The following POR variants were observed in gnomAD, a reference collection of about 807,000 sequenced individuals.
POR encodes NADPH--cytochrome P450 reductase.
A neutral mutation model predicts 84.0 loss-of-function variants in POR; 56 were observed. The ratio of observed to expected loss-of-function variants is 0.67; its 90% confidence interval spans 0.54 to 0.83. POR has a LOEUF of 0.83. POR is among the 40% of genes least tolerant of loss of function. The probability of loss-of-function intolerance (pLI) is 0.00; values close to 1 mark genes in which losing one functional copy is unlikely to be tolerated. For missense variants in POR, 938 were observed against 944.3 expected, an observed-to-expected ratio of 0.99 and a Z score of 0.09; for synonymous variants, 414 against 400.5, an observed-to-expected ratio of 1.03 and a Z score of -0.40.
rs782263366 is a variant in POR at position 75,986,599 on chromosome 7, C to CAAAG, written c.*120_*123dup. 116 of 1,302,434 alleles carry CAAAG rather than the reference C, an allele frequency of 8.9e-5. No individual in the cohort carries two copies. Among genetic ancestry groups the CAAAG allele is most frequent in the Admixed American group, 2.4e-4 (11 of 46,076 alleles). 80.7% of individuals were successfully genotyped at this position (1,302,434 alleles called of 1,614,324 possible). On this transcript the variant is annotated 3_prime_UTR_variant, in exon 16 of 16. Coordinates refer to ENST00000461988, the MANE Select transcript of POR (RefSeq NM_000941.3). ...CTTGGCATGGGCGCAGGCCCAGTGACAAAGACTCCTCTGGGCCTGGGGTGC... is the reference window on the plus strand; with the variant it reads ...CTTGGCATGGGCGCAGGCCCAGTGACAAAGAAAGACTCCTCTGGGCCTGGGGTGC...
intron 11 of POR, 31 bp downstream of exon 11, chr7:75,984,989 C>A: frequency 6.3e-7 from 1 of 1,576,590 alleles, no homozygotes; most frequent in African/African-American, 1.3e-5. Context: ...CAACCTCCGC[C>A]CCGTCACCCC....
chr7:75,979,356 G>A, intron 3 of POR, 95 bp from the exon 4 acceptor site: 1 of 1,475,140 alleles, frequency 6.8e-7, no homozygotes, highest in Non-Finnish European at 9.2e-7. Flanking sequence ...GGGCGGCCTG[G>A]AGGGCCCCCG....
intron 2 of POR, among the ~76,000 whole-genome samples, chr7:75,966,696 T>C (rs1554555300): frequency 6.6e-6 from 1 of 152,184 alleles, no homozygotes; most frequent in Non-Finnish European, 1.5e-5. Context: ...GAAATGTTCC[T>C]CAGCGTCGCC....
Position 75,979,589 on chromosome 7 carries a change from C to T in POR, c.366+10C>T, listed in dbSNP as rs1554557336. 5.0e-6 allele frequency: 8 copies of T among 1,612,508 alleles called. No homozygotes were observed. The highest frequency in any genetic ancestry group is 1.7e-5 in the Admixed American group (1 of 59,986). ...TGAGGAGTATGACCTGGTAAGCTGC[C>T]ACCGCGTGCTGGCCCCAGATGGAGG... is the stretch of plus-strand genomic sequence containing the variant. On this transcript the variant is annotated intron_variant, in intron 4 of 15. Transcript: ENST00000461988.
rs201568454 is a variant in POR, at chr7:75,983,828, C to T, written c.1038C>T (p.Asp346=). The T allele has an allele frequency of 1.3e-5, 21 of 1,610,852 alleles. No individual in the cohort carries two copies. Among genetic ancestry groups the T allele is most frequent in the South Asian group, 3.3e-5 (3 of 90,794 alleles). ...GCAAAATCCTGGGTGCCGACCTGGA[C>T]GTCGTCATGTCCCTGAACAACCTGG... The change falls in exon 10 of 16, where the codon GAC becomes GAT. Residue 346 remains aspartate, a synonymous_variant. Coordinates refer to ENST00000461988, the MANE Select transcript of POR (RefSeq NM_000941.3).
rs534598586 is a variant in POR at position 75,921,137 on chromosome 7, G to A, written c.-5+5958G>A. Reference sequence around the variant, plus strand: ...TCTACCCGAAACCTCCACAACAAGAGCTCTATCTGTCAGTGGCCTCACCGA... The same window carrying A: ...TCTACCCGAAACCTCCACAACAAGAACTCTATCTGTCAGTGGCCTCACCGA... On this transcript the variant is annotated intron_variant, in intron 1 of 15. Transcript: ENST00000461988. 2.6e-5 allele frequency: 4 copies of A among 152,396 alleles called. No homozygotes were observed. The South Asian group carries it at 8.3e-4, about 32-fold the overall frequency. 9.4% of individuals were successfully genotyped at this position (152,396 alleles called of 1,614,324 possible).
chr7:75,945,490 T>C (rs1787135326), intron 1 of POR: 1 of 152,162 alleles, frequency 6.6e-6, no homozygotes, highest in Non-Finnish European at 1.5e-5. Flanking sequence ...TCTGAGTCAC[T>C]CTTGGACACT....
At chr7:75,980,223 G>A in intron 4 of POR, 116 bp from the exon 5 acceptor site, 1 of 1,250,062 alleles carries the variant, frequency 8.0e-7, no homozygotes, top group Non-Finnish European at 1.1e-6. Flanking sequence ...ACGACACTCA[G>A]ACATCCCTGG....
intron 2 of POR, among the ~76,000 whole-genome samples, chr7:75,959,366 G>A (rs116695005): frequency 5.7e-4 from 87 of 152,318 alleles, no homozygotes; most frequent in African/African-American, 2.0e-3. Flanking sequence ...GAGCAGTAGG[G>A]AGTAATAGGG....
intron 2 of POR, chr7:75,967,800 G>A (rs1333912224): frequency 3.0e-6 from 1 of 337,160 alleles, no homozygotes; most frequent in Non-Finnish European, 6.0e-6. Context: ...GGACTCATGG[G>A]AGGCTTCACT....
chr7:75,985,252 C>T, intron 12 of POR, 45 bp downstream of exon 12: 4 of 1,535,162 alleles, frequency 2.6e-6, no homozygotes, highest in Non-Finnish European at 2.6e-6. Context: ...GGAGGCCCAG[C>T]CCTGCTCACA....
intron 1 of POR, among the ~76,000 whole-genome samples, chr7:75,920,843 G>A (rs1411490142): frequency 1.3e-5 from 2 of 152,118 alleles, no homozygotes; most frequent in Admixed American, 6.6e-5. Flanking sequence ...AACAGGGATG[G>A]CAGTTCTTGA....
Position 75,938,899 on chromosome 7 carries a change from G to A in POR, c.-4-15090G>A, listed in dbSNP as rs140209921. Among the ~76,000 whole-genome samples the A allele has an allele frequency of 1.5e-3, 229 of 152,234 alleles. 2 individuals carry two copies. The highest frequency in any genetic ancestry group is 2.7e-3 in the Non-Finnish European group (181 of 68,026). On this transcript the variant is annotated intron_variant, in intron 1 of 15. Transcript: ENST00000461988. ...ACACGCTTCCTCTATCGGTAGCTTCGCTCATCCCCCTAATCTGACTGGTGG... is the reference window on the plus strand; with the variant it reads ...ACACGCTTCCTCTATCGGTAGCTTCACTCATCCCCCTAATCTGACTGGTGG...
At chr7:75,980,083 G>A (rs567319202) in intron 4 of POR, among the ~76,000 whole-genome samples, 1 of 152,276 alleles carries the variant, frequency 6.6e-6, no homozygotes, top group Non-Finnish European at 1.5e-5. Context: ...TGGCTCTTTT[G>A]TGCCAAGCTT....
chr7:75,965,209 A>G (rs1477266883), intron 2 of POR, among the ~76,000 whole-genome samples: 1 of 152,142 alleles, frequency 6.6e-6, no homozygotes, highest in African/African-American at 2.4e-5. Flanking sequence ...GCCTAGCAGA[A>G]ATTGACCAGG....
At chr7:75,974,259 T>C (rs1009834894) in intron 3 of POR, among the ~76,000 whole-genome samples, 6 of 152,140 alleles carry the variant, frequency 3.9e-5, no homozygotes, top group Non-Finnish European at 8.8e-5. Flanking sequence ...GATTGGAAGG[T>C]AGATGTGTTT....
chr7:75,983,718 A>C lies in POR; in HGVS notation c.948-20A>C. On this transcript the variant is annotated intron_variant, in intron 9 of 15. Coordinates refer to ENST00000461988, the MANE Select transcript of POR (RefSeq NM_000941.3). ...CAGGGCCAGCCTTCCGCCCCTCCCG[A>C]GCCTCACATCTCCCTCCAGGTATGA... 3 of 1,610,676 alleles carry C rather than the reference A, an allele frequency of 1.9e-6. No homozygotes were observed. Among genetic ancestry groups the C allele is most frequent in the Non-Finnish European group, 2.5e-6 (3 of 1,178,228 alleles).
intron 1 of POR, chr7:75,923,226 G>A (rs782409022): frequency 1.4e-4 from 158 of 1,105,704 alleles, no homozygotes; most frequent in Middle Eastern, 1.2e-3. Flanking sequence ...AGTGATTGAG[G>A]AGCACCTGGG....
At chr7:75,979,234 G>A (rs533980369) in intron 3 of POR, among the ~76,000 whole-genome samples, 9 of 152,200 alleles carry the variant, frequency 5.9e-5, no homozygotes, top group East Asian at 1.9e-4. Flanking sequence ...TTGAGCAGCC[G>A]CGTGTGTGAG....
Sources: allele counts gnomAD v4.1 joint callset (sites outside exome capture counted in the v4.1 genomes callset), GRCh38; gene constraint gnomAD v4.1.1; transcripts MANE v1.5; gene names NCBI Gene and HGNC (gene_info 2026-07-23, HGNC 2026-07-21).